Variants in PLA2G6 observed in about 807,000 individuals in gnomAD.
PLA2G6 encodes the protein phospholipase A2 group VI.
PLA2G6 carries 62 observed loss-of-function variants against 83.8 expected under a neutral mutation model. That is an observed-to-expected ratio of 0.74 (90% CI 0.60 to 0.91). The LOEUF (loss-of-function observed/expected upper bound fraction) is 0.91, where lower values mean the gene tolerates loss of function less well. Ranked by LOEUF, PLA2G6 falls within the 40% of genes least tolerant of loss-of-function variation. PLA2G6 has a pLI of 0.00. For synonymous variants in PLA2G6, 417 were observed against 449.8 expected, an observed-to-expected ratio of 0.93 and a Z score of 0.92; for missense variants, 944 against 1,102.0, an observed-to-expected ratio of 0.86 and a Z score of 2.03.
At chr22:38,117,966 G>T (rs1450164208) in intron 12 of PLA2G6, among the ~76,000 whole-genome samples, 1 of 150,746 alleles carries the variant, frequency 6.6e-6, no homozygotes, top group Non-Finnish European at 1.5e-5. Context: ...AACCTGGGAA[G>T]CAGAAATTGC....
In PLA2G6 at chr22:38,145,878, T is replaced by G. The variant is rs2089233702; in HGVS notation, c.210-225A>C. 20 of 552,978 alleles carry G rather than the reference T, an allele frequency of 3.6e-5. No homozygotes were observed. In the South Asian group the frequency reaches 3.9e-4, roughly 11 times the overall value. 34.3% of individuals were successfully genotyped at this position (552,978 alleles called of 1,614,324 possible). A position where few individuals can be genotyped will look rare whatever the true frequency, so the allele number is the denominator to read the frequency against. ...GACATAATGGCGTTTAGGTTAGACT[T>G]TCTTTGTTTTTTAGAGACAAGGTCT... On this transcript the variant is annotated intron_variant, in intron 2 of 16. Transcript: ENST00000332509.
rs770908303 is a variant in PLA2G6 at position 38,126,336 on chromosome 22, G to T, written c.1427+35C>A. ...GGGTGAGGGGCAGGAAAGCGCACAC[G>T]TTCCCCGCTCTGCCCCCGATCTCGA... On this transcript the variant is annotated intron_variant, in intron 10 of 16. Coordinates refer to ENST00000332509, the MANE Select transcript of PLA2G6 (RefSeq NM_003560.4). The T allele has an allele frequency of 2.0e-6, 3 of 1,532,104 alleles. No homozygotes were observed. In the South Asian group the frequency reaches 3.4e-5, roughly 17 times the overall value. The allele number at this position is 1,532,104 out of a possible 1,614,324, so 94.9% of individuals were successfully genotyped here.
intron 2 of PLA2G6, chr22:38,146,148 A>T (rs2089248397): frequency 5.2e-6 from 1 of 192,916 alleles, no homozygotes; most frequent in Non-Finnish European, 1.1e-5. Context: ...CAATTCTCCT[A>T]CCTCAGTCTC....
chr22:38,138,008 T>G (rs1274807959), intron 5 of PLA2G6: 1 of 152,268 alleles, frequency 6.6e-6, no homozygotes, highest in Non-Finnish European at 1.5e-5. Context: ...AGGAGCCTCT[T>G]CCTTTGTCTT....
intron 3 of PLA2G6, chr22:38,144,108 G>C (rs960720584): frequency 1.3e-5 from 2 of 156,256 alleles, no homozygotes; most frequent in African/African-American, 4.8e-5. Context: ...GAGACTCAGA[G>C]GAGGTGTGGC....
At chr22:38,167,151 C>G (rs1055248223) in intron 2 of PLA2G6, among the ~76,000 whole-genome samples, 5 of 149,066 alleles carry the variant, frequency 3.4e-5, no homozygotes, top group Admixed American at 6.8e-5. Context: ...TGGCGTGAAC[C>G]TGGGAGGCGG....
At chr22:38,181,493 G>A (rs1434315579) in intron 1 of PLA2G6, among the ~76,000 whole-genome samples, 171 bp downstream of exon 1, 1 of 152,106 alleles carries the variant, frequency 6.6e-6, no homozygotes, top group African/African-American at 2.4e-5. Context: ...GACACACGGA[G>A]GAGACTGGGG....
Position 38,145,568 on chromosome 22 carries a change from G to C in PLA2G6, c.295C>G (p.Pro99Ala), listed in dbSNP as rs1408262766. 1 of 1,613,880 alleles carries C rather than the reference G, an allele frequency of 6.2e-7. No individual in the cohort carries two copies. The highest frequency in any genetic ancestry group is 1.1e-5 in the South Asian group (1 of 91,040). The change falls in exon 3 of 17, where the codon CCT becomes GCT. Residue 99 changes from proline to alanine, a missense_variant. Pro to Ala is a conservative substitution (Grantham distance 27, BLOSUM62 -1). Transcript: ENST00000332509. Reference protein sequence around the residue: ...SQLLPFYESSPQVLHTEVLQH... With the variant: ...SQLLPFYESSAQVLHTEVLQH... ...AGGACCTCAGTGTGCAGGACCTGAG[G>C]GGAGCTCTCATAGAAGGGTAGCAGC...
At chr22:38,164,892 G>C in intron 2 of PLA2G6, among the ~76,000 whole-genome samples, 1 of 152,126 alleles carries the variant, frequency 6.6e-6, no homozygotes, top group East Asian at 1.9e-4. Context: ...GTGTTGAGAG[G>C]AGCTGGGAGA....
chr22:38,115,812 G>A (rs1435383540), intron 13 of PLA2G6, 131 bp from the exon 14 acceptor site: 8 of 1,481,816 alleles, frequency 5.4e-6, no homozygotes, highest in Non-Finnish European at 6.3e-6. Flanking sequence ...CTCTTCAGAA[G>A]CAGGACCCAC....
rs771809118 is a variant in PLA2G6 at position 38,140,023 on chromosome 22, G to A, written c.756C>T (p.Asn252=). 80 of 1,610,962 alleles carry A rather than the reference G, an allele frequency of 5.0e-5. No individual in the cohort carries two copies. The highest frequency in any genetic ancestry group is 1.0e-4 in the Admixed American group (6 of 59,636). ...TCATGGCCGAGTGGATGGGGTAGCC[G>A]TTGGGGCCCATGATGTTGCACCGAG... ...CNARCNIMGP[N]GYPIHSAMKF... is the part of the protein sequence containing the mutation. Residue 252 remains asparagine, a synonymous_variant, in exon 5 of 17, where the codon AAC becomes AAT. Coordinates refer to ENST00000332509, the MANE Select transcript of PLA2G6 (RefSeq NM_003560.4).
At chr22:38,171,384 C>G (rs1426320171) in intron 1 of PLA2G6, among the ~76,000 whole-genome samples, 1 of 152,102 alleles carries the variant, frequency 6.6e-6, no homozygotes, top group Non-Finnish European at 1.5e-5. Context: ...TGTTTTGAAA[C>G]AGGGTCTGGC....
chr22:38,155,505 C>A (rs925939109), intron 2 of PLA2G6, among the ~76,000 whole-genome samples: 1 of 151,958 alleles, frequency 6.6e-6, no homozygotes, highest in African/African-American at 2.4e-5. Context: ...ATAAACAGTA[C>A]AATAAGTTAA....
intron 1 of PLA2G6, among the ~76,000 whole-genome samples, chr22:38,170,218 G>A (rs2090386504): frequency 6.7e-6 from 1 of 149,814 alleles, no homozygotes; most frequent in Non-Finnish European, 1.5e-5. Context: ...AAAAAAAGAG[G>A]CCAGCATGGA....
At chr22:38,172,511 T>C (rs1373177929) in intron 1 of PLA2G6, among the ~76,000 whole-genome samples, 2 of 152,246 alleles carry the variant, frequency 1.3e-5, no homozygotes, top group African/African-American at 2.4e-5. Flanking sequence ...GCTGGGTTTA[T>C]GGGCTTTTGT....
In PLA2G6 at chr22:38,132,567, T is replaced by G; in HGVS notation, c.1077+264A>C. Reference sequence around the variant, plus strand: ...TATGGCCAGAGCTGTCATTTTTCCCTCTCGTGCCATGCAAGTGCCAAATGG... The same window carrying G: ...TATGGCCAGAGCTGTCATTTTTCCCGCTCGTGCCATGCAAGTGCCAAATGG... On this transcript the variant is annotated intron_variant, in intron 7 of 16. Coordinates refer to ENST00000332509, the MANE Select transcript of PLA2G6 (RefSeq NM_003560.4). The surrounding 1 kb of genome is among the most constrained non-coding windows in gnomAD (Gnocchi z 5.0). The G allele has an allele frequency of 1.8e-6, 1 of 563,150 alleles. No individual in the cohort carries two copies. Among genetic ancestry groups the G allele is most frequent in the Non-Finnish European group, 3.2e-6 (1 of 313,868 alleles). The allele number at this position is 563,150 out of a possible 1,614,324, so 34.9% of individuals were successfully genotyped here. A position where few individuals can be genotyped will look rare whatever the true frequency, so the allele number is the denominator to read the frequency against.
chr22:38,178,821 G>A (rs1337801003), intron 1 of PLA2G6, among the ~76,000 whole-genome samples: 18 of 152,128 alleles, frequency 1.2e-4, no homozygotes, highest in South Asian at 2.1e-4. Flanking sequence ...AGCTGAGATC[G>A]CACCACTGCG....
chr22:38,176,736 CAAAG>C (rs2090646329), intron 1 of PLA2G6, among the ~76,000 whole-genome samples: 1 of 152,158 alleles, frequency 6.6e-6, no homozygotes, highest in Non-Finnish European at 1.5e-5. Context: ...TCCAAGCTCA[CAAAG>C]AAACAGGGAA....
rs759728603 is a variant in PLA2G6, at chr22:38,112,583, G to A, written c.2203-6C>T. The A allele has an allele frequency of 3.4e-5, 53 of 1,549,768 alleles. No homozygotes were observed. Among genetic ancestry groups the A allele is most frequent in the Non-Finnish European group, 4.4e-5 (51 of 1,147,248 alleles). On this transcript the variant is annotated splice_region_variant and splice_polypyrimidine_tract_variant and intron_variant, in intron 15 of 16. Transcript: ENST00000332509. Reference sequence around the variant, plus strand: ...CGCCCGTCTGGATCCGTGCACTGGTGAGAAGCAGCCTTGGTGAGTGCCGGG... The same window carrying A: ...CGCCCGTCTGGATCCGTGCACTGGTAAGAAGCAGCCTTGGTGAGTGCCGGG...
Sources: allele counts gnomAD v4.1 joint callset (sites outside exome capture counted in the v4.1 genomes callset), GRCh38; gene constraint gnomAD v4.1.1; non-coding constraint Gnocchi (gnomAD v3.1); transcripts MANE v1.5; gene names NCBI Gene and HGNC (gene_info 2026-07-23, HGNC 2026-07-21).